The following CEP89 variants were observed in gnomAD, a reference collection of about 807,000 sequenced individuals.
CEP89 encodes the protein centrosomal protein 89.
In CEP89, 95 loss-of-function variants were observed where a neutral mutation model predicts 97.6. The observed-to-expected ratio is 0.97, with a 90% confidence interval of 0.82 to 1.15. The LOEUF (loss-of-function observed/expected upper bound fraction) is 1.15. CEP89 is among the 50% of genes most tolerant of loss of function. CEP89 has a pLI of 0.00. For synonymous variants in CEP89, 354 were observed against 349.1 expected, an observed-to-expected ratio of 1.01 and a Z score of -0.16; for missense variants, 869 against 947.7, an observed-to-expected ratio of 0.92 and a Z score of 1.09.
At chr19:32,937,696 G>A in intron 6 of CEP89, 23 bp from the exon 7 acceptor site, 4 of 1,581,942 alleles carry the variant, frequency 2.5e-6, no homozygotes, top group Non-Finnish European at 3.5e-6. Flanking sequence ...GAACATAAGA[G>A]GAATAAGTGC....
In CEP89 at chr19:32,966,418, C is replaced by T. The variant is rs1356874927; in HGVS notation, c.88G>A (p.Ala30Thr). The T allele has an allele frequency of 6.4e-7, 1 of 1,563,882 alleles. No homozygotes were observed. Residue 30 changes from alanine to threonine, a missense_variant, in exon 2 of 19, where the codon GCA (alanine) becomes ACA (threonine). By Grantham distance (58) the Ala-to-Thr change is moderately conservative. Transcript: ENST00000305768. ...LLPAASVAPK[A>T]AVPRTPPPRS... ...GGAGGAGGTGTGCGTGGCACAGCTG[C>T]CTTCGGAGCAACGCTGGCTGCAGGT...
chr19:32,884,361 T>C (rs899340014), intron 17 of CEP89, among the ~76,000 whole-genome samples: 15 of 152,336 alleles, frequency 9.8e-5, no homozygotes, highest in South Asian at 4.1e-4. Flanking sequence ...TAGTGTGGAA[T>C]AGCATTTTGC....
rs1197187550 is a variant in CEP89 at position 32,966,355 on chromosome 19, C to T, written c.146+5G>A. The T allele has an allele frequency of 2.7e-6, 4 of 1,506,724 alleles. No homozygotes were observed. Among genetic ancestry groups the T allele is most frequent in the Non-Finnish European group, 3.6e-6 (4 of 1,115,548 alleles). The allele number at this position is 1,506,724 out of a possible 1,614,324, so 93.3% of individuals were successfully genotyped here. A position where few individuals can be genotyped will look rare whatever the true frequency, so the allele number is the denominator to read the frequency against. The stretch of plus-strand genomic sequence containing the variant: ...GACCTCAGTGCCTGCTCATCTGATA[C>T]TCACCTTGGTCTCTCTGGAGATGGG... On this transcript the variant is annotated splice_donor_5th_base_variant and intron_variant, in intron 2 of 18. Coordinates refer to ENST00000305768, the MANE Select transcript of CEP89 (RefSeq NM_032816.5).
Position 32,947,677 on chromosome 19 carries a change from GATGGGA to G in CEP89, c.595+583_595+588del, listed in dbSNP as rs1161007155. Among the ~76,000 whole-genome samples, 5 of 151,982 alleles carry G rather than the reference GATGGGA, an allele frequency of 3.3e-5. No individual in the cohort carries two copies. The East Asian group carries it at 9.7e-4, about 29-fold the overall frequency. On this transcript the variant is annotated intron_variant, in intron 5 of 18. Coordinates refer to ENST00000305768, the MANE Select transcript of CEP89 (RefSeq NM_032816.5). ...GGCTACTTTTTTGTATTCTGGTAGA[GATGGGA>G]TGTCCATTTTTTGTAGAGAGAGTCT...
At chr19:32,904,048 T>C (rs1437113871) in intron 14 of CEP89, among the ~76,000 whole-genome samples, 2 of 152,130 alleles carry the variant, frequency 1.3e-5, no homozygotes, top group African/African-American at 4.8e-5. Flanking sequence ...TAGTCCCAGC[T>C]ACTCGAGAGG....
chr19:32,880,069 C>A (rs1306197106), intron 18 of CEP89, among the ~76,000 whole-genome samples: 1 of 152,216 alleles, frequency 6.6e-6, no homozygotes, highest in African/African-American at 2.4e-5. Flanking sequence ...GGATGCAGTG[C>A]CCTGTGGTGT....
intron 11 of CEP89, among the ~76,000 whole-genome samples, chr19:32,925,328 C>T (rs1018498303): frequency 8.5e-5 from 13 of 152,110 alleles, no homozygotes; most frequent in African/African-American, 2.7e-4. Flanking sequence ...CACAAAACGG[C>T]GGTGGACAAG....
At chr19:32,958,020 C>CCT (rs1555795376) in intron 3 of CEP89, among the ~76,000 whole-genome samples, 5 of 150,956 alleles carry the variant, frequency 3.3e-5, no homozygotes, top group African/African-American at 4.9e-5. Flanking sequence ...AAATCCCCCC[C>CCT]CCGCCAAAAA....
chr19:32,948,475 A>C (rs898108192), intron 4 of CEP89, 107 bp from the exon 5 acceptor site: 19 of 617,348 alleles, frequency 3.1e-5, no homozygotes, highest in Non-Finnish European at 5.0e-5. Context: ...CCCCACTGGG[A>C]GCTTCCTCCA....
In CEP89 at chr19:32,912,202, CAAAAAAAA is replaced by C. The variant is rs558318035; in HGVS notation, c.1565+3127_1565+3134del. Among the ~76,000 whole-genome samples, 11 of 98,342 alleles carry C rather than the reference CAAAAAAAA, an allele frequency of 1.1e-4. No homozygotes were observed. The East Asian group carries it at 3.0e-3, about 27-fold the overall frequency. 64.5% of individuals were successfully genotyped at this position (98,342 alleles called of 152,430 possible). ...TGGGTGACAGAGTAAGACTCTGTCT[CAAAAAAAA>C]AAAAAGGAAAAAAAAGAAAATTAAA... On this transcript the variant is annotated intron_variant, in intron 14 of 18. Coordinates refer to ENST00000305768, the MANE Select transcript of CEP89 (RefSeq NM_032816.5).
intron 1 of CEP89, among the ~76,000 whole-genome samples, chr19:32,968,066 GC>G (rs1216331602): frequency 6.6e-6 from 1 of 152,062 alleles, no homozygotes; most frequent in Non-Finnish European, 1.5e-5. Context: ...ATCTCCTACA[GC>G]CCCCACCACC....
intron 16 of CEP89, among the ~76,000 whole-genome samples, chr19:32,897,011 C>T (rs1382036354): frequency 2.6e-5 from 4 of 152,010 alleles, no homozygotes. Flanking sequence ...ATTAAAAAGA[C>T]AAAAAATAAC....
chr19:32,952,920 A>AG (rs1236899235), intron 4 of CEP89, among the ~76,000 whole-genome samples: 14 of 150,530 alleles, frequency 9.3e-5, no homozygotes, highest in African/African-American at 2.2e-4. Flanking sequence ...AAAAAAAAAA[A>AG]AAAAGAAAAG....
intron 5 of CEP89, among the ~76,000 whole-genome samples, chr19:32,944,347 G>C (rs1458530385): frequency 6.6e-6 from 1 of 152,106 alleles, no homozygotes; most frequent in Non-Finnish European, 1.5e-5. Context: ...AGCAAACTGG[G>C]GAGCAGGCTG....
intron 2 of CEP89, among the ~76,000 whole-genome samples, chr19:32,964,784 G>C (rs1416242914): frequency 6.6e-6 from 1 of 152,180 alleles, no homozygotes; most frequent in Non-Finnish European, 1.5e-5. Context: ...AGGTGGCAGA[G>C]AGGGGCAGGG....
intron 3 of CEP89, among the ~76,000 whole-genome samples, chr19:32,958,679 A>T (rs1222619437): frequency 6.6e-6 from 1 of 151,480 alleles, no homozygotes; most frequent in Non-Finnish European, 1.5e-5. Context: ...ACTCTGTCTC[A>T]AAAAAGTCAA....
chr19:32,900,555 C>T (rs1025515006), intron 15 of CEP89, among the ~76,000 whole-genome samples: 57 of 151,930 alleles, frequency 3.8e-4, no homozygotes, highest in African/African-American at 1.3e-3. Flanking sequence ...TGAGCCACCA[C>T]ACCTGGCCCA....
intron 16 of CEP89, among the ~76,000 whole-genome samples, chr19:32,896,853 G>A (rs1260851306): frequency 6.6e-6 from 1 of 151,366 alleles, no homozygotes; most frequent in Non-Finnish European, 1.5e-5. Flanking sequence ...TAAAAAGTGG[G>A]CAAAGAATCT....
chr19:32,882,019 C>A lies in CEP89; in HGVS notation c.1966-6G>T. On this transcript the variant is annotated splice_region_variant and splice_polypyrimidine_tract_variant and intron_variant, in intron 17 of 18. Coordinates refer to ENST00000305768, the MANE Select transcript of CEP89 (RefSeq NM_032816.5). ...GCTGCCTGCTTCTTGTAGCCCTGGT[C>A]GGGGGAAGGACTCTGTGAATGAGGG... is the stretch of plus-strand genomic sequence containing the variant. 2 of 1,559,308 alleles carry A rather than the reference C, an allele frequency of 1.3e-6. No homozygotes were observed. Among genetic ancestry groups the A allele is most frequent in the South Asian group, 2.4e-5 (2 of 84,856 alleles).
Sources: gnomAD v4.1 joint callset for allele counts (sites outside exome capture counted in the v4.1 genomes callset) on GRCh38, gnomAD v4.1.1 for gene constraint, MANE v1.5 for transcripts, NCBI Gene and HGNC (gene_info 2026-07-23, HGNC 2026-07-21) for gene names.